ACSM1: variants seen among roughly 807,000 people sequenced by gnomAD.
The protein encoded by ACSM1 is acyl-coenzyme A synthetase ACSM1, mitochondrial.
ACSM1 carries 79 observed loss-of-function variants against 75.8 expected under a neutral mutation model. The observed-to-expected ratio is 1.04, with a 90% CI of 0.87 to 1.26. ACSM1 has a LOEUF of 1.26. Ranked by LOEUF, ACSM1 falls within the 50% of genes most tolerant of loss-of-function variation. The pLI is 0.00. For synonymous variants in ACSM1, 279 were observed against 265.8 expected (o/e 1.05, Z -0.48); for missense variants, 676 against 720.1 (o/e 0.94, Z 0.70).
At chr16:20,676,326 G>A (rs1288823296) in intron 4 of ACSM1, among the ~76,000 whole-genome samples, 3 of 152,136 alleles carry the variant, frequency 2.0e-5, no homozygotes, top group African/African-American at 7.2e-5. Flanking sequence ...GCTAAAGGCT[G>A]GTAAAAGAAA....
At chr16:20,646,333 C>A (rs1443739852) in intron 7 of ACSM1, among the ~76,000 whole-genome samples, 1 of 152,222 alleles carries the variant, frequency 6.6e-6, no homozygotes, top group Non-Finnish European at 1.5e-5. Context: ...AGGCCCACTG[C>A]CCGAGGGGAC....
chr16:20,624,733 C>T (rs368904719), intron 12 of ACSM1, among the ~76,000 whole-genome samples: 17 of 151,910 alleles, frequency 1.1e-4, no homozygotes, highest in African/African-American at 2.7e-4. Flanking sequence ...TCATTCTTGT[C>T]GCCCAGACTG....
rs1435789060 is a variant in ACSM1, at chr16:20,671,614, G to A, written c.669C>T (p.Ile223=). 1.9e-6 allele frequency: 3 copies of A among 1,613,734 alleles called. No homozygotes were observed. The African/African-American group carries it at 4.0e-5, about 22-fold the overall frequency. Residue 223 remains isoleucine (I), a synonymous_variant, in exon 5 of 14, where the codon ATC becomes ATT. Transcript: ENST00000520010. ...AGCCTGTGGTCCCACTGGTGAAGAA[G>A]ATGACCATTGGGTCCAAGGTCTTTG... ...VKSKTLDPMV[I]FFTSGTTGFP...
At chr16:20,638,238 C>T (rs2017838176) in intron 8 of ACSM1, among the ~76,000 whole-genome samples, 1 of 152,152 alleles carries the variant, frequency 6.6e-6, no homozygotes, top group Non-Finnish European at 1.5e-5. Flanking sequence ...TAACACTTAC[C>T]TCCCAGAGTG....
chr16:20,683,287 TTTA>T (rs967456246), intron 3 of ACSM1, among the ~76,000 whole-genome samples: 2 of 151,864 alleles, frequency 1.3e-5, no homozygotes, highest in Admixed American at 6.6e-5. Context: ...CCAGCTATTT[TTTA>T]TTATTATTAT....
chr16:20,631,467 T>C (rs1293736654), intron 10 of ACSM1, among the ~76,000 whole-genome samples: 1 of 152,190 alleles, frequency 6.6e-6, no homozygotes, highest in Non-Finnish European at 1.5e-5. Flanking sequence ...TAGAGATTCC[T>C]TCAAGAACTA....
chr16:20,651,126 C>A (rs1484157671), intron 7 of ACSM1, among the ~76,000 whole-genome samples: 16 of 152,132 alleles, frequency 1.1e-4, no homozygotes, highest in Non-Finnish European at 2.4e-4. Context: ...TCTCTTCATA[C>A]CTTATGATGT....
intron 7 of ACSM1, among the ~76,000 whole-genome samples, chr16:20,649,055 A>C (rs2018503920): frequency 1.3e-5 from 2 of 152,138 alleles, no homozygotes; most frequent in African/African-American, 4.8e-5. Flanking sequence ...ATGTTAAATA[A>C]ATTTGCAATC....
Position 20,655,090 on chromosome 16 carries a change from C to A in ACSM1, c.992+6704G>T, listed in dbSNP as rs141062986. 7.4e-3 allele frequency among the ~76,000 whole-genome samples: 1,125 copies of A among 152,168 alleles called. 18 individuals carry two copies. Among genetic ancestry groups the A allele is most frequent in the African/African-American group, 0.026 (1,098 of 41,506 alleles). ...GCCATAAAAAATGATGAGTTCATGTCCTTTCTAGGGACGTGGATGAAGCTG... is the reference window on the plus strand; with the variant it reads ...GCCATAAAAAATGATGAGTTCATGTACTTTCTAGGGACGTGGATGAAGCTG... On this transcript the variant is annotated intron_variant, in intron 7 of 13. Coordinates refer to ENST00000520010, the MANE Select transcript of ACSM1 (RefSeq NM_001318890.3).
chr16:20,646,992 G>A (rs1257932482), intron 7 of ACSM1, among the ~76,000 whole-genome samples: 1 of 152,212 alleles, frequency 6.6e-6, no homozygotes, highest in Non-Finnish European at 1.5e-5. Flanking sequence ...AACATCTGAA[G>A]ATCTATCATG....
At chr16:20,691,978 A>T (rs777218456) in intron 1 of ACSM1, among the ~76,000 whole-genome samples, 9 of 152,126 alleles carry the variant, frequency 5.9e-5, no homozygotes, top group African/African-American at 1.7e-4. Flanking sequence ...GCAGTCATTC[A>T]AGTCCCTGGT....
intron 7 of ACSM1, among the ~76,000 whole-genome samples, chr16:20,643,379 T>C (rs2018174301): frequency 6.6e-6 from 1 of 152,230 alleles, no homozygotes; most frequent in Non-Finnish European, 1.5e-5. Context: ...CCAAACTGTG[T>C]CTGGAATTTA....
intron 6 of ACSM1, among the ~76,000 whole-genome samples, chr16:20,663,974 C>G (rs938152675): frequency 1.3e-5 from 2 of 152,040 alleles, no homozygotes; most frequent in Admixed American, 6.6e-5. Flanking sequence ...AATGTGGGCT[C>G]TGGCTATTAT....
intron 2 of ACSM1, among the ~76,000 whole-genome samples, chr16:20,688,064 G>C (rs1025546894): frequency 6.7e-6 from 1 of 148,948 alleles, no homozygotes; most frequent in Non-Finnish European, 1.5e-5. Context: ...CAGCCTGGGA[G>C]ACTAAGCAAA....
At chr16:20,672,843 TATATA>T (rs1346331749) in intron 4 of ACSM1, among the ~76,000 whole-genome samples, 6 of 128,008 alleles carry the variant, frequency 4.7e-5, no homozygotes, top group East Asian at 4.3e-4. Flanking sequence ...AAAATATAAA[TATATA>T]ATATATGTAA....
At chr16:20,640,621 AC>A in intron 7 of ACSM1, 37 bp from the exon 8 acceptor site, 1 of 1,613,672 alleles carries the variant, frequency 6.2e-7, no homozygotes, top group Non-Finnish European at 8.5e-7. Flanking sequence ...TTGGTGAGCC[AC>A]CCTGGCTCTG....
rs2079602859 is a variant in ACSM1, at chr16:20,688,927, A to G, written c.192+2070T>C. Among the ~76,000 whole-genome samples, 4 of 150,042 alleles carry G rather than the reference A, an allele frequency of 2.7e-5. 1 individual carries two copies. The South Asian group carries it at 8.4e-4, about 31-fold the overall frequency. On this transcript the variant is annotated intron_variant, in intron 2 of 13. Transcript: ENST00000520010. ...TTGTTATTTGTTACAGTATTTAAAAAACAAATCATAAAAATAATTATAAAT... is the reference window on the plus strand; with the variant it reads ...TTGTTATTTGTTACAGTATTTAAAAGACAAATCATAAAAATAATTATAAAT...
At position 20,669,377 on chromosome 16, in the gene ACSM1, T is replaced by A. The variant is rs1177165479; in HGVS notation, c.912+450A>T. 2.6e-5 allele frequency among the ~76,000 whole-genome samples: 4 copies of A among 151,730 alleles called. No individual in the cohort carries two copies. In the East Asian group the frequency reaches 7.8e-4, roughly 29 times the overall value. Reference sequence around the variant, plus strand: ...CTGCTAGTTAATTTCAAAGGTGGGATAAGAAGCTAGATCTGTCATATTCCA... The same window carrying A: ...CTGCTAGTTAATTTCAAAGGTGGGAAAAGAAGCTAGATCTGTCATATTCCA... On this transcript the variant is annotated intron_variant, in intron 6 of 13. Transcript: ENST00000520010.
chr16:20,624,000 T>G, intron 13 of ACSM1, 96 bp downstream of exon 13: 1 of 1,539,658 alleles, frequency 6.5e-7, no homozygotes, highest in Non-Finnish European at 8.8e-7. Flanking sequence ...TAAACCTCCA[T>G]TGTTTGGGGC....
Sources: allele counts gnomAD v4.1 joint callset (sites outside exome capture counted in the v4.1 genomes callset), GRCh38; gene constraint gnomAD v4.1.1; transcripts MANE v1.5; gene names NCBI Gene and HGNC (gene_info 2026-07-23, HGNC 2026-07-21).